Variants in DOCK1 observed in about 807,000 individuals in gnomAD.
DOCK1 encodes dedicator of cytokinesis protein 1.
A neutral mutation model predicts 262.7 loss-of-function variants in DOCK1; 138 were observed. That is an observed-to-expected ratio of 0.53 (90% CI 0.46 to 0.61). The LOEUF is 0.61. Ranked by LOEUF, DOCK1 falls within the 20% of genes least tolerant of loss-of-function variation. The probability of loss-of-function intolerance (pLI) is 0.00; values close to 1 mark genes in which losing one functional copy is unlikely to be tolerated. For synonymous variants in DOCK1, 866 were observed against 867.4 expected, an observed-to-expected ratio of 1.00 and a Z score of 0.03; for missense variants, 1,908 against 2,370.7, an observed-to-expected ratio of 0.80 and a Z score of 4.05.
chr10:127,396,769 A>AAT (rs2066878426), intron 38 of DOCK1, among the ~76,000 whole-genome samples: 1 of 151,652 alleles, frequency 6.6e-6, no homozygotes, highest in Admixed American at 6.5e-5. Context: ...AAAAAAAAAA[A>AAT]AAAATCTTCA....
chr10:127,353,611 G>A (rs1243716238), intron 31 of DOCK1, among the ~76,000 whole-genome samples: 2 of 152,226 alleles, frequency 1.3e-5, no homozygotes, highest in Non-Finnish European at 2.9e-5. Flanking sequence ...TAGAGCTAGC[G>A]TGTCCTGGTA....
At chr10:127,205,040 A>G (rs746253568) in intron 27 of DOCK1, among the ~76,000 whole-genome samples, 109 of 151,854 alleles carry the variant, frequency 7.2e-4, no homozygotes, top group Admixed American at 2.2e-3. Context: ...AATAACATTT[A>G]TTGATGGTTT....
chr10:127,260,407 C>T (rs756094566), intron 29 of DOCK1, among the ~76,000 whole-genome samples: 1 of 152,190 alleles, frequency 6.6e-6, no homozygotes, highest in Non-Finnish European at 1.5e-5. Flanking sequence ...GCTGGAAAGA[C>T]GTCTTGACAA....
At chr10:127,271,848 T>C (rs375015829) in intron 29 of DOCK1, among the ~76,000 whole-genome samples, 12 of 152,260 alleles carry the variant, frequency 7.9e-5, no homozygotes, top group African/African-American at 2.9e-4. Context: ...TTACTCTTTT[T>C]ATATTTGAGT....
At chr10:127,039,519 T>C (rs2043877364) in intron 19 of DOCK1, among the ~76,000 whole-genome samples, 1 of 152,220 alleles carries the variant, frequency 6.6e-6, no homozygotes, top group African/African-American at 2.4e-5. Context: ...ACCTTTCCTT[T>C]CTTCCTGTGC....
Position 127,110,448 on chromosome 10 carries a change from G to A in DOCK1, c.2623+94G>A. On this transcript the variant is annotated intron_variant, in intron 25 of 51. Coordinates refer to ENST00000623213, the MANE Select transcript of DOCK1 (RefSeq NM_001290223.2). ...TTGCCTCTTCTTGACAAAAGGAGTA[G>A]AGGCTGCAACCAATTAAAACTGCTG... 5.2e-6 allele frequency: 6 copies of A among 1,159,802 alleles called. 1 individual carries two copies. In the South Asian group the frequency reaches 8.0e-5, roughly 15 times the overall value. The allele number at this position is 1,159,802 out of a possible 1,614,324, so 71.8% of individuals were successfully genotyped here.
At chr10:127,097,119 A>T (rs369666440) in intron 23 of DOCK1, among the ~76,000 whole-genome samples, 1 of 152,302 alleles carries the variant, frequency 6.6e-6, no homozygotes, top group East Asian at 1.9e-4. Flanking sequence ...AGGAGAAAAA[A>T]AAAATTATTT....
At chr10:127,379,282 C>T (rs1399084660) in intron 35 of DOCK1, among the ~76,000 whole-genome samples, 1 of 152,222 alleles carries the variant, frequency 6.6e-6, no homozygotes, top group Non-Finnish European at 1.5e-5. Context: ...ACGATATTTT[C>T]CAGTAAATAT....
chr10:127,306,929 G>C lies in DOCK1; in HGVS notation c.3045-32077G>C, dbSNP rs555692118. Among the ~76,000 whole-genome samples the C allele has an allele frequency of 1.2e-3, 186 of 152,248 alleles. 1 individual carries two copies. Among genetic ancestry groups the C allele is most frequent in the African/African-American group, 4.2e-3 (173 of 41,550 alleles). ...CATGTATTATGTGCAAAGTGTACCCGTTAAATTCACCATAATTGAAAGATG... is the reference window on the plus strand; with the variant it reads ...CATGTATTATGTGCAAAGTGTACCCCTTAAATTCACCATAATTGAAAGATG... On this transcript the variant is annotated intron_variant, in intron 29 of 51. Transcript: ENST00000623213.
At position 127,186,031 on chromosome 10, in the gene DOCK1, A is replaced by T. The variant is rs142119614; in HGVS notation, c.2847+58267A>T. Among the ~76,000 whole-genome samples the T allele has an allele frequency of 6.2e-3, 939 of 152,378 alleles. 4 individuals are homozygous for T. Among genetic ancestry groups the T allele is most frequent in the Non-Finnish European group, 9.4e-3 (639 of 68,044 alleles). ...TTGAGTTTAATTAAAAAATCTCAAT[A>T]GCTTGGAATAACAACGTTTTAGAGC... On this transcript the variant is annotated intron_variant, in intron 27 of 51. Coordinates refer to ENST00000623213, the MANE Select transcript of DOCK1 (RefSeq NM_001290223.2).
At chr10:127,252,654 C>T (rs896324769) in intron 28 of DOCK1, among the ~76,000 whole-genome samples, 1 of 150,830 alleles carries the variant, frequency 6.6e-6, no homozygotes, top group African/African-American at 2.4e-5. Context: ...ATCCTTTCCC[C>T]ATTGCTTGTT....
chr10:127,251,434 GGTTA>G (rs1029670672), intron 28 of DOCK1, among the ~76,000 whole-genome samples: 16 of 151,500 alleles, frequency 1.1e-4, no homozygotes, highest in African/African-American at 3.4e-4. Context: ...ACAATGTGCA[GGTTA>G]GTTACATATG....
At position 126,948,681 on chromosome 10, in the gene DOCK1, G is replaced by C. The variant is rs1029525850; in HGVS notation, c.47-22021G>C. Among the ~76,000 whole-genome samples the C allele has an allele frequency of 2.4e-3, 364 of 152,096 alleles. 4 individuals are homozygous for C. The highest frequency in any genetic ancestry group is 6.8e-3 in the Middle Eastern group (2 of 294). On this transcript the variant is annotated intron_variant, in intron 1 of 51. Transcript: ENST00000623213. The stretch of plus-strand genomic sequence containing the variant: ...GCTGAGCCAGAGGCACTGCTTCCCA[G>C]GAATCCTCACCTCTCGGAGCCTGTG...
chr10:127,435,637 G>A (rs1224761863), intron 48 of DOCK1, among the ~76,000 whole-genome samples: 1 of 152,184 alleles, frequency 6.6e-6, no homozygotes, highest in African/African-American at 2.4e-5. Flanking sequence ...GAACATAGGG[G>A]TTAGGGTGGA....
intron 23 of DOCK1, among the ~76,000 whole-genome samples, chr10:127,089,670 G>A (rs550192009): frequency 2.2e-3 from 339 of 152,308 alleles, no homozygotes; most frequent in Non-Finnish European, 3.5e-3. Context: ...GATGATGTTT[G>A]AATGAGGCCC....
intron 27 of DOCK1, among the ~76,000 whole-genome samples, chr10:127,203,468 G>T (rs756312340): frequency 1.3e-5 from 2 of 152,012 alleles, no homozygotes; most frequent in African/African-American, 2.4e-5. Context: ...TATTTATTTC[G>T]CAGCGTGGCT....
intron 27 of DOCK1, among the ~76,000 whole-genome samples, chr10:127,206,189 G>A (rs867644730): frequency 1.5e-5 from 2 of 130,440 alleles, no homozygotes; most frequent in East Asian, 4.7e-4. Context: ...TGTTGCCCAG[G>A]CTATAGTGCA....
At chr10:127,294,321 G>GT (rs2061436325) in intron 29 of DOCK1, among the ~76,000 whole-genome samples, 1 of 151,244 alleles carries the variant, frequency 6.6e-6, no homozygotes, top group Non-Finnish European at 1.5e-5. Context: ...GTTTTGTTTT[G>GT]TTTTTTGTTT....
At chr10:127,129,619 CT>C (rs1157212961) in intron 27 of DOCK1, among the ~76,000 whole-genome samples, 1 of 152,210 alleles carries the variant, frequency 6.6e-6, no homozygotes, top group African/African-American at 2.4e-5. Context: ...GCGTTGACCC[CT>C]GACGTCTGAC....
Sources: allele counts gnomAD v4.1 joint callset (sites outside exome capture counted in the v4.1 genomes callset), GRCh38; gene constraint gnomAD v4.1.1; transcripts MANE v1.5; gene names NCBI Gene and HGNC (gene_info 2026-07-23, HGNC 2026-07-21).